DEPDC5: variants seen among roughly 807,000 people sequenced by gnomAD.
DEPDC5 encodes GATOR1 complex protein DEPDC5.
DEPDC5 carries 73 observed loss-of-function variants against 217.3 expected under a neutral mutation model. That is an observed-to-expected ratio of 0.34 (90% CI 0.28 to 0.41). The LOEUF (loss-of-function observed/expected upper bound fraction) is 0.41, where lower values mean the gene tolerates loss of function less well. Ranked by LOEUF, DEPDC5 falls within the 10% of genes least tolerant of loss-of-function variation. The probability of loss-of-function intolerance (pLI) is 1.00; values close to 1 mark genes in which losing one functional copy is unlikely to be tolerated. For synonymous variants in DEPDC5, 733 were observed against 756.7 expected (o/e 0.97, Z 0.51); for missense variants, 1,675 against 2,070.1 (o/e 0.81, Z 3.70).
At chr22:31,889,760 G>A (rs899043508) in intron 38 of DEPDC5, among the ~76,000 whole-genome samples, 10 of 151,776 alleles carry the variant, frequency 6.6e-5, no homozygotes, top group Non-Finnish European at 7.4e-5. Flanking sequence ...GGATGGTCTC[G>A]ATCTCCTGAC....
At chr22:31,850,208 A>G (rs1003862858) in intron 31 of DEPDC5, among the ~76,000 whole-genome samples, 2 of 151,946 alleles carry the variant, frequency 1.3e-5, no homozygotes, top group Non-Finnish European at 2.9e-5. Flanking sequence ...ATGAATTTTT[A>G]TATTAAAAAT....
intron 14 of DEPDC5, among the ~76,000 whole-genome samples, chr22:31,798,871 A>C (rs990073599): frequency 2.6e-5 from 4 of 152,172 alleles, no homozygotes; most frequent in Non-Finnish European, 5.9e-5. Flanking sequence ...GCATTCCCGA[A>C]AGCAAGAGGA....
At chr22:31,810,753 G>GT (rs959481685) in intron 20 of DEPDC5, 112 bp downstream of exon 20, 2 of 1,522,718 alleles carry the variant, frequency 1.3e-6, no homozygotes, top group African/African-American at 1.4e-5. Context: ...GTTTTGTTTT[G>GT]TTTCGTTTTG....
intron 39 of DEPDC5, among the ~76,000 whole-genome samples, chr22:31,895,130 C>T (rs1175362336): frequency 3.5e-4 from 44 of 124,874 alleles, no homozygotes; most frequent in African/African-American, 1.2e-3. Flanking sequence ...GGCAACAGAG[C>T]GAGAATCCGT....
intron 25 of DEPDC5, 117 bp downstream of exon 25, chr22:31,834,097 C>A: frequency 9.8e-7 from 1 of 1,016,048 alleles, no homozygotes; most frequent in Non-Finnish European, 1.6e-6. Context: ...ACACATACCT[C>A]TGGGGTATGG....
rs748803135 is a variant in DEPDC5, at chr22:31,778,177, T to G, written c.483+9T>G. 6.2e-7 allele frequency: 1 copy of G among 1,613,874 alleles called. No homozygotes were observed. The highest frequency in any genetic ancestry group is 8.5e-7 in the Non-Finnish European group (1 of 1,179,766). ...TCAGTGAAGATACCAGGGTAAGATT[T>G]ATAAAATGCTTTTTTGGTTTTATCT... On this transcript the variant is annotated intron_variant, in intron 8 of 42. Coordinates refer to ENST00000651528, the MANE Select transcript of DEPDC5 (RefSeq NM_001242896.3).
intron 16 of DEPDC5, 35 bp from the exon 17 acceptor site, chr22:31,804,807 G>T: frequency 1.2e-6 from 2 of 1,600,752 alleles, no homozygotes; most frequent in Non-Finnish European, 8.5e-7. Context: ...TACTTGTTCT[G>T]TAGCTTATCT....
At chr22:31,860,359 C>T (rs2092465853) in intron 32 of DEPDC5, among the ~76,000 whole-genome samples, 2 of 152,156 alleles carry the variant, frequency 1.3e-5, no homozygotes, top group East Asian at 1.9e-4. Context: ...GCAGCAGTAT[C>T]AATAAAATGG....
Position 31,906,845 on chromosome 22 carries a change from T to C in DEPDC5, c.*348T>C. On this transcript the variant is annotated 3_prime_UTR_variant, in exon 43 of 43. Transcript: ENST00000651528. The surrounding 1 kb of genome is among the most constrained non-coding windows in gnomAD (Gnocchi z 5.1). Reference sequence around the variant, plus strand: ...GTCCTCGGAAGGGGGTGGCTCCTGGTAGCATCCTTTTCCTTCACCATCTAT... The same window carrying C: ...GTCCTCGGAAGGGGGTGGCTCCTGGCAGCATCCTTTTCCTTCACCATCTAT... 1 of 403,270 alleles carries C rather than the reference T, an allele frequency of 2.5e-6. No individual in the cohort carries two copies. Among genetic ancestry groups the C allele is most frequent in the South Asian group, 3.2e-5 (1 of 31,706 alleles). 25.0% of individuals were successfully genotyped at this position (403,270 alleles called of 1,614,324 possible).
intron 34 of DEPDC5, among the ~76,000 whole-genome samples, chr22:31,872,468 A>G (rs1347977371): frequency 1.3e-5 from 2 of 152,136 alleles, no homozygotes; most frequent in Non-Finnish European, 2.9e-5. Context: ...CATTTTTCAC[A>G]TGGGGGCGCT....
In DEPDC5 at chr22:31,900,678, G is replaced by A. The variant is rs551542109; in HGVS notation, c.4376-1064G>A. Among the ~76,000 whole-genome samples the A allele has an allele frequency of 9.2e-5, 14 of 152,118 alleles. 1 individual carries two copies. The South Asian group carries it at 2.5e-3, about 27-fold the overall frequency. On this transcript the variant is annotated intron_variant, in intron 40 of 42. Transcript: ENST00000651528. ...CACTTGAGCCTGGGAGGCAGAGGTT[G>A]TGGTGAGCCGAGATCGTGCCATTGC...
At chr22:31,832,120 C>T (rs1450883891) in intron 24 of DEPDC5, among the ~76,000 whole-genome samples, 1 of 152,234 alleles carries the variant, frequency 6.6e-6, no homozygotes, top group African/African-American at 2.4e-5. Flanking sequence ...CTTTTTATTG[C>T]TGAGTAGTAT....
At chr22:31,787,372 C>A (rs946444064) in intron 10 of DEPDC5, among the ~76,000 whole-genome samples, 30 of 152,292 alleles carry the variant, frequency 2.0e-4, no homozygotes, top group Non-Finnish European at 3.8e-4. Flanking sequence ...ATAGAACCAC[C>A]ATGCCTGGCT....
chr22:31,901,431 T>C (rs539292096), intron 40 of DEPDC5, among the ~76,000 whole-genome samples: 59 of 152,270 alleles, frequency 3.9e-4, no homozygotes, highest in African/African-American at 1.3e-3. Context: ...TCCTTTCAGC[T>C]TTGGGTATAA....
Position 31,870,686 on chromosome 22 carries a change from G to A in DEPDC5, c.3427G>A (p.Gly1143Arg), listed in dbSNP as rs1479727000. ...GGACAGAGGCAACAGCCAGACCTTTGGGAACTCCCAGAACATAGGAGAACA... is the reference window on the plus strand; with the variant it reads ...GGACAGAGGCAACAGCCAGACCTTTAGGAACTCCCAGAACATAGGAGAACA... ...SMDRGNSQTF[G>R]NSQNIGEQGY... The change falls in exon 34 of 43, where the codon GGG becomes AGG. Residue 1143 changes from glycine (G) to arginine (R), a missense_variant. Around this residue, in one of 11 missense-constraint regions of DEPDC5, gnomAD observed 9 missense variants for 25.7 expected, o/e 0.35. Coordinates refer to ENST00000651528, the MANE Select transcript of DEPDC5 (RefSeq NM_001242896.3). 1.2e-5 allele frequency: 19 copies of A among 1,603,350 alleles called. No individual in the cohort carries two copies. Among genetic ancestry groups the A allele is most frequent in the Non-Finnish European group, 1.6e-5 (19 of 1,175,638 alleles).
At chr22:31,885,239 C>T (rs1246763176) in intron 38 of DEPDC5, among the ~76,000 whole-genome samples, 1 of 152,206 alleles carries the variant, frequency 6.6e-6, no homozygotes, top group Non-Finnish European at 1.5e-5. Flanking sequence ...GATGTGGTCC[C>T]CTCATTCTCT....
chr22:31,805,029 T>C, intron 17 of DEPDC5, 114 bp downstream of exon 17: 3 of 1,002,976 alleles, frequency 3.0e-6, no homozygotes, highest in Non-Finnish European at 4.5e-6. Context: ...GTTAAGAAAA[T>C]GTGGAAACCA....
intron 24 of DEPDC5, among the ~76,000 whole-genome samples, chr22:31,832,157 GT>G (rs1277678389): frequency 6.6e-6 from 1 of 152,192 alleles, no homozygotes; most frequent in Non-Finnish European, 1.5e-5. Context: ...ACTACAATTT[GT>G]TTATCCTTCC....
intron 21 of DEPDC5, chr22:31,815,442 C>G (rs767749464): frequency 1.7e-5 from 11 of 665,598 alleles, no homozygotes; most frequent in Non-Finnish European, 2.7e-5. Context: ...TGCAGTGATG[C>G]AATCACAGCT....
Sources: allele counts gnomAD v4.1 joint callset (sites outside exome capture counted in the v4.1 genomes callset), GRCh38; gene constraint gnomAD v4.1.1; regional missense constraint gnomAD v4.1.1; non-coding constraint Gnocchi (gnomAD v3.1); transcripts MANE v1.5; gene names NCBI Gene and HGNC (gene_info 2026-07-23, HGNC 2026-07-21).